KCNJ3: variants seen among roughly 807,000 people sequenced by gnomAD.
KCNJ3 encodes the protein potassium inwardly rectifying channel subfamily J member 3.
A neutral mutation model predicts 39.2 loss-of-function variants in KCNJ3; 4 were observed. The ratio of observed to expected loss-of-function variants is 0.10; its 90% CI spans 0.05 to 0.23. KCNJ3 has a LOEUF of 0.23. Ranked by LOEUF, KCNJ3 falls within the 10% of genes least tolerant of loss-of-function variation. The pLI, the probability that KCNJ3 is intolerant of heterozygous loss-of-function variation, is 1.00. For missense variants in KCNJ3, 276 were observed against 634.9 expected (o/e 0.43, Z 6.08); for synonymous variants, 230 against 237.4 (o/e 0.97, Z 0.29).
intron 2 of KCNJ3, among the ~76,000 whole-genome samples, chr2:154,841,065 T>C (rs1574482778): frequency 6.6e-6 from 1 of 152,190 alleles, no homozygotes; most frequent in Admixed American, 6.5e-5. Flanking sequence ...ATATTGGCTG[T>C]GGGTTTGTCA....
intron 2 of KCNJ3, among the ~76,000 whole-genome samples, chr2:154,802,051 G>T (rs772565542): frequency 6.6e-6 from 1 of 152,116 alleles, no homozygotes; most frequent in Non-Finnish European, 1.5e-5. Flanking sequence ...ACTGCTTTGG[G>T]ATTTTCTCCT....
chr2:154,825,709 G>C (rs867799830), intron 2 of KCNJ3, among the ~76,000 whole-genome samples: 4 of 151,148 alleles, frequency 2.6e-5, no homozygotes, highest in African/African-American at 4.9e-5. Context: ...CCCAAATACC[G>C]GGGACCACAG....
At chr2:154,757,315 A>G (rs1319601658) in intron 2 of KCNJ3, among the ~76,000 whole-genome samples, 2 of 152,104 alleles carry the variant, frequency 1.3e-5, no homozygotes, top group Non-Finnish European at 2.9e-5. Context: ...TAAGTGAGGT[A>G]AATATTTTTG....
chr2:154,790,145 G>A (rs182375787), intron 2 of KCNJ3, among the ~76,000 whole-genome samples: 1 of 149,710 alleles, frequency 6.7e-6, no homozygotes, highest in Non-Finnish European at 1.5e-5. Context: ...TTTTTTGACA[G>A]AAAATGTCCA....
chr2:154,726,820 CACACACACACACACAT>C (rs1685366455), intron 2 of KCNJ3, among the ~76,000 whole-genome samples: 1 of 150,544 alleles, frequency 6.6e-6, no homozygotes, highest in African/African-American at 2.5e-5. Context: ...CACACACACA[CACACACACACACACAT>C]ACACCATGGA....
chr2:154,717,700 T>A (rs1685204163), intron 2 of KCNJ3, among the ~76,000 whole-genome samples: 1 of 152,166 alleles, frequency 6.6e-6, no homozygotes, highest in African/African-American at 2.4e-5. Flanking sequence ...CTTTTCCTGA[T>A]TAGTGAAAAA....
Position 154,699,497 on chromosome 2 carries a change from T to C in KCNJ3, c.702+20T>C. 6 of 1,547,906 alleles carry C rather than the reference T, an allele frequency of 3.9e-6. No homozygotes were observed. Among genetic ancestry groups the C allele is most frequent in the Non-Finnish European group, 5.2e-6 (6 of 1,151,572 alleles). Reference sequence around the variant, plus strand: ...CTCAAAGTAAGTGCTCCCCGCCCCTTCCCCACCGGGAGACCTGCGTCCCCC... The same window carrying C: ...CTCAAAGTAAGTGCTCCCCGCCCCTCCCCCACCGGGAGACCTGCGTCCCCC... On this transcript the variant is annotated intron_variant, in intron 1 of 2. Transcript: ENST00000295101. This position sits in a 1 kb window ranked among gnomAD's most constrained non-coding sequence, Gnocchi z 6.4.
chr2:154,751,937 A>G (rs1685851884), intron 2 of KCNJ3, among the ~76,000 whole-genome samples: 1 of 152,078 alleles, frequency 6.6e-6, no homozygotes, highest in South Asian at 2.1e-4. Context: ...TAACTGCAGT[A>G]CCACCTCTTT....
At chr2:154,724,017 A>C (rs1685308551) in intron 2 of KCNJ3, among the ~76,000 whole-genome samples, 1 of 152,192 alleles carries the variant, frequency 6.6e-6, no homozygotes, top group African/African-American at 2.4e-5. Flanking sequence ...TTAAAATTAA[A>C]TTCTAGAGAG....
intron 2 of KCNJ3, among the ~76,000 whole-genome samples, chr2:154,850,558 T>C (rs1185103512): frequency 6.6e-6 from 1 of 152,220 alleles, no homozygotes; most frequent in Non-Finnish European, 1.5e-5. Context: ...TGTTATCCAA[T>C]TTATAAATCT....
chr2:154,798,203 C>A (rs1686753902), intron 2 of KCNJ3, among the ~76,000 whole-genome samples: 1 of 122,960 alleles, frequency 8.1e-6, no homozygotes, highest in Non-Finnish European at 1.9e-5. Flanking sequence ...CACACACACA[C>A]ACACACACAC....
intron 2 of KCNJ3, among the ~76,000 whole-genome samples, chr2:154,839,343 AT>A (rs1188473223): frequency 6.6e-6 from 1 of 152,214 alleles, no homozygotes; most frequent in African/African-American, 2.4e-5. Flanking sequence ...ATTGATGGAC[AT>A]TTGGGTTGGT....
rs575602270 is a variant in KCNJ3, at chr2:154,702,736, A to G, written c.702+3259A>G. 8.5e-5 allele frequency among the ~76,000 whole-genome samples: 13 copies of G among 152,118 alleles called. No individual in the cohort carries two copies. In the South Asian group the frequency reaches 2.5e-3, roughly 29 times the overall value. ...GTAGATTACATAAAAATCAAAGGCT[A>G]TAGTTTGAAGTTCCTCATTAAAATC... is the stretch of plus-strand genomic sequence containing the variant. On this transcript the variant is annotated intron_variant, in intron 1 of 2. Coordinates refer to ENST00000295101, the MANE Select transcript of KCNJ3 (RefSeq NM_002239.4).
chr2:154,835,492 T>TATGAATATATAATATTC (rs1456480061), intron 2 of KCNJ3, among the ~76,000 whole-genome samples: 3 of 103,462 alleles, frequency 2.9e-5, no homozygotes, highest in Non-Finnish European at 4.3e-5. Context: ...TATTCATGAA[T>TATGAATATATAATATTC]ATGAATATAT....
chr2:154,806,990 G>A (rs1462124112), intron 2 of KCNJ3, among the ~76,000 whole-genome samples: 2 of 152,168 alleles, frequency 1.3e-5, no homozygotes, highest in Non-Finnish European at 2.9e-5. Flanking sequence ...TTGCCAGTGA[G>A]TTGAGGTGAC....
In KCNJ3 at chr2:154,705,327, C is replaced by G. The variant is rs560099795; in HGVS notation, c.703-4276C>G. On this transcript the variant is annotated intron_variant, in intron 1 of 2. Coordinates refer to ENST00000295101, the MANE Select transcript of KCNJ3 (RefSeq NM_002239.4). ...TGCCAGGGCAGTGCTAAATGTATAT[C>G]CTAGGATCATGTATGTATATGTATG... is the stretch of plus-strand genomic sequence containing the variant. 2.2e-4 allele frequency among the ~76,000 whole-genome samples: 34 copies of G among 152,224 alleles called. 1 individual carries two copies. Among genetic ancestry groups the G allele is most frequent in the Middle Eastern group, 3.4e-3 (1 of 294 alleles).
At chr2:154,821,078 A>G (rs1212627168) in intron 2 of KCNJ3, among the ~76,000 whole-genome samples, 1 of 152,252 alleles carries the variant, frequency 6.6e-6, no homozygotes, top group East Asian at 1.9e-4. Flanking sequence ...ATTCTTTTCC[A>G]TGCTCAAATT....
At chr2:154,715,133 T>A (rs1685160082) in intron 2 of KCNJ3, among the ~76,000 whole-genome samples, 1 of 152,236 alleles carries the variant, frequency 6.6e-6, no homozygotes, top group South Asian at 2.1e-4. Context: ...GTAATAACTC[T>A]CAATTCAACT....
intron 2 of KCNJ3, among the ~76,000 whole-genome samples, chr2:154,723,467 A>C (rs914728115): frequency 3.3e-5 from 5 of 152,158 alleles, no homozygotes; most frequent in South Asian, 2.1e-4. Flanking sequence ...TATGAGGCAA[A>C]AAACAAACAA....
Sources: gnomAD v4.1 joint callset for allele counts (sites outside exome capture counted in the v4.1 genomes callset) on GRCh38, gnomAD v4.1.1 for gene constraint, Gnocchi (gnomAD v3.1) non-coding constraint, MANE v1.5 for transcripts, NCBI Gene and HGNC (gene_info 2026-07-23, HGNC 2026-07-21) for gene names.